The following ZNF804B variants were observed in gnomAD, a reference collection of about 807,000 sequenced individuals.
ZNF804B encodes zinc finger 804B.
Under a neutral mutation model 101.4 loss-of-function variants are expected in ZNF804B, and 80 were observed. The ratio of observed to expected loss-of-function variants is 0.79; its 90% CI spans 0.66 to 0.95. The LOEUF is 0.95. Among genes scored for constraint, ZNF804B ranks in the 40% least tolerant of loss-of-function variants. The probability of loss-of-function intolerance (pLI) is 0.00; values close to 1 mark genes in which losing one functional copy is unlikely to be tolerated. For missense variants in ZNF804B, 1,673 were observed against 1,561.9 expected (o/e 1.07, Z -1.20); for synonymous variants, 622 against 558.8 (o/e 1.11, Z -1.59).
chr7:89,028,075 A>G (rs1029873574), intron 1 of ZNF804B, among the ~76,000 whole-genome samples: 1 of 152,190 alleles, frequency 6.6e-6, no homozygotes, highest in African/African-American at 2.4e-5. Flanking sequence ...CTCATCATGT[A>G]TATCCAGCAT....
chr7:89,279,650 A>T (rs200201790), intron 2 of ZNF804B, among the ~76,000 whole-genome samples: 1 of 152,196 alleles, frequency 6.6e-6, no homozygotes, highest in Non-Finnish European at 1.5e-5. Context: ...ATGCTGGATT[A>T]CGTTTATTGA....
intron 2 of ZNF804B, among the ~76,000 whole-genome samples, chr7:89,252,894 A>G (rs139188796): frequency 5.3e-5 from 8 of 152,216 alleles, no homozygotes; most frequent in African/African-American, 1.7e-4. Context: ...AAGGAGGGGG[A>G]CAATTTTTCA....
chr7:88,844,128 A>G (rs1364041401), intron 1 of ZNF804B, among the ~76,000 whole-genome samples: 1 of 150,660 alleles, frequency 6.6e-6, no homozygotes, highest in Non-Finnish European at 1.5e-5. Flanking sequence ...AACATAAATT[A>G]CAGATATGAT....
Position 89,141,460 on chromosome 7 carries a change from A to G in ZNF804B, c.109-76695A>G, listed in dbSNP as rs1790714438. 2.0e-5 allele frequency among the ~76,000 whole-genome samples: 3 copies of G among 152,158 alleles called. No individual in the cohort carries two copies. The South Asian group carries it at 6.2e-4, about 32-fold the overall frequency. The stretch of plus-strand genomic sequence containing the variant: ...TATTCCATTTTTTATTGATATATTC[A>G]TCAATGGACATTTGGGTAATGCTCA... On this transcript the variant is annotated intron_variant, in intron 1 of 3. Transcript: ENST00000333190.
At chr7:88,881,727 A>G (rs192373350) in intron 1 of ZNF804B, among the ~76,000 whole-genome samples, 35 of 152,202 alleles carry the variant, frequency 2.3e-4, no homozygotes, top group African/African-American at 8.2e-4. Context: ...GTCATAATAG[A>G]TTTGCAATTT....
intron 1 of ZNF804B, among the ~76,000 whole-genome samples, chr7:89,020,091 G>C (rs369811646): frequency 2.6e-5 from 4 of 151,990 alleles, no homozygotes; most frequent in African/African-American, 9.7e-5. Flanking sequence ...CACCCATGTG[G>C]GCTTGCTGTA....
intron 1 of ZNF804B, among the ~76,000 whole-genome samples, chr7:88,772,701 C>T (rs913879942): frequency 6.6e-6 from 1 of 152,108 alleles, no homozygotes; most frequent in African/African-American, 2.4e-5. Context: ...TTGTTGAGTG[C>T]TGTTTCATGA....
chr7:89,175,033 T>G (rs1791297675), intron 1 of ZNF804B, among the ~76,000 whole-genome samples: 1 of 152,036 alleles, frequency 6.6e-6, no homozygotes, highest in African/African-American at 2.4e-5. Context: ...TTCCCTCATT[T>G]TGTGCATTGT....
At chr7:88,809,501 T>C (rs1446183906) in intron 1 of ZNF804B, among the ~76,000 whole-genome samples, 1 of 152,200 alleles carries the variant, frequency 6.6e-6, no homozygotes, top group Non-Finnish European at 1.5e-5. Flanking sequence ...AAGGAAGGAT[T>C]TTTAAAAATT....
At chr7:89,148,350 G>A (rs1185131961) in intron 1 of ZNF804B, among the ~76,000 whole-genome samples, 1 of 152,034 alleles carries the variant, frequency 6.6e-6, no homozygotes, top group African/African-American at 2.4e-5. Flanking sequence ...AGTGTTTGCA[G>A]TGTGTATGGT....
intron 1 of ZNF804B, among the ~76,000 whole-genome samples, chr7:89,203,698 T>C (rs62469341): frequency 0.063 from 9,550 of 152,168 alleles, 386 homozygotes; most frequent in Middle Eastern, 0.18. Context: ...TAAACATCTC[T>C]GGTACAGAAC....
chr7:88,985,233 C>A, intron 1 of ZNF804B, among the ~76,000 whole-genome samples: 1 of 141,706 alleles, frequency 7.1e-6, no homozygotes, highest in Non-Finnish European at 1.5e-5. Context: ...GACCAGTAAA[C>A]ATTTGTGTTT....
chr7:88,877,817 G>A (rs1467321991), intron 1 of ZNF804B, among the ~76,000 whole-genome samples: 1 of 151,930 alleles, frequency 6.6e-6, no homozygotes, highest in East Asian at 1.9e-4. Context: ...CAGAACCAGA[G>A]CCAATATTTC....
intron 1 of ZNF804B, among the ~76,000 whole-genome samples, chr7:88,963,094 T>C (rs1271938210): frequency 6.6e-6 from 1 of 150,890 alleles, no homozygotes; most frequent in South Asian, 2.1e-4. Flanking sequence ...ATGTTAGCAC[T>C]ACCCAAAGTA....
At chr7:88,868,030 C>T in intron 1 of ZNF804B, among the ~76,000 whole-genome samples, 1 of 142,602 alleles carries the variant, frequency 7.0e-6, no homozygotes. Flanking sequence ...ATTCATAATT[C>T]TACTGTGTGT....
chr7:88,868,176 A>G (rs893839501), intron 1 of ZNF804B, among the ~76,000 whole-genome samples: 1 of 151,984 alleles, frequency 6.6e-6, no homozygotes, highest in Non-Finnish European at 1.5e-5. Context: ...AAGGTAGTAC[A>G]TAGCTTTGGT....
intron 2 of ZNF804B, among the ~76,000 whole-genome samples, chr7:89,233,155 T>C (rs1485943060): frequency 1.3e-5 from 2 of 152,174 alleles, no homozygotes; most frequent in African/African-American, 2.4e-5. Context: ...CTCCATCTCC[T>C]GACCTCGTGA....
intron 1 of ZNF804B, among the ~76,000 whole-genome samples, chr7:89,066,319 AAGC>A (rs1789454189): frequency 2.0e-5 from 3 of 152,060 alleles, no homozygotes; most frequent in Non-Finnish European, 4.4e-5. Context: ...TTGTGCCCTG[AAGC>A]TACAGGGCAC....
intron 1 of ZNF804B, among the ~76,000 whole-genome samples, chr7:88,960,797 G>A (rs1478251954): frequency 6.6e-6 from 1 of 151,266 alleles, no homozygotes; most frequent in Non-Finnish European, 1.5e-5. Context: ...GTGTGCCTGA[G>A]TAGACTTTTC....
Sources: allele counts gnomAD v4.1 joint callset (sites outside exome capture counted in the v4.1 genomes callset), GRCh38; gene constraint gnomAD v4.1.1; transcripts MANE v1.5; gene names NCBI Gene and HGNC (gene_info 2026-07-23, HGNC 2026-07-21).